ADGRL3: variants seen among roughly 807,000 people sequenced by gnomAD.
The protein encoded by ADGRL3 is adhesion G protein-coupled receptor L3.
In ADGRL3, 62 loss-of-function variants were observed where a neutral mutation model predicts 153.5. The ratio of observed to expected loss-of-function variants is 0.40; its 90% CI spans 0.33 to 0.50. The LOEUF (loss-of-function observed/expected upper bound fraction) is 0.50. ADGRL3 is among the 20% of genes least tolerant of loss of function. ADGRL3 has a pLI of 0.47. For synonymous variants in ADGRL3, 710 were observed against 672.5 expected, an observed-to-expected ratio of 1.06 and a Z score of -0.86; for missense variants, 1,641 against 1,859.4, an observed-to-expected ratio of 0.88 and a Z score of 2.16.
intron 1 of ADGRL3, chr4:61,211,978 C>A (rs959396543): frequency 6.6e-6 from 1 of 152,150 alleles, no homozygotes; most frequent in Non-Finnish European, 1.5e-5. Context: ...TGCTGATCTT[C>A]AAGGTTTAAA....
At chr4:61,210,947 T>TA (rs1311050059) in intron 1 of ADGRL3, among the ~76,000 whole-genome samples, 1 of 152,306 alleles carries the variant, frequency 6.6e-6, no homozygotes, top group Non-Finnish European at 1.5e-5. Flanking sequence ...GGCAGCCATT[T>TA]AAAAAAATTA....
At chr4:61,390,675 G>A (rs2152001170) in intron 2 of ADGRL3, among the ~76,000 whole-genome samples, 2 of 152,238 alleles carry the variant, frequency 1.3e-5, no homozygotes, top group Admixed American at 1.3e-4. Flanking sequence ...CTGTATTTAT[G>A]CTTGTAGTCT....
At chr4:61,709,959 G>A (rs933239563) in intron 6 of ADGRL3, among the ~76,000 whole-genome samples, 11 of 152,256 alleles carry the variant, frequency 7.2e-5, no homozygotes, top group African/African-American at 2.6e-4. Context: ...GCCATGCTAT[G>A]TCTTAGAAAA....
intron 13 of ADGRL3, among the ~76,000 whole-genome samples, chr4:61,915,217 A>T (rs2098739807): frequency 6.7e-6 from 1 of 149,872 alleles, no homozygotes; most frequent in East Asian, 1.9e-4. Context: ...TTGGGGAAAA[A>T]TTGCTTTGGG....
At chr4:61,873,110 A>G (rs528745482) in intron 9 of ADGRL3, among the ~76,000 whole-genome samples, 19 of 152,346 alleles carry the variant, frequency 1.2e-4, no homozygotes, top group South Asian at 8.3e-4. Context: ...GAACGCATCT[A>G]TGAGGTATGC....
chr4:61,813,780 C>T, intron 8 of ADGRL3, 29 bp from the exon 9 acceptor site: 2 of 1,605,768 alleles, frequency 1.2e-6, no homozygotes, highest in Non-Finnish European at 1.7e-6. Flanking sequence ...CGTATGATGT[C>T]TTCTTAACAA....
rs1581725408 is a variant in ADGRL3 at position 61,979,764 on chromosome 4, G to A, written c.3007G>A (p.Asp1003Asn). 1 of 1,613,544 alleles carries A rather than the reference G, an allele frequency of 6.2e-7. No homozygotes were observed. The highest frequency in any genetic ancestry group is 8.5e-7 in the Non-Finnish European group (1 of 1,179,602). Residue 1003 changes from aspartate to asparagine, a missense_variant, in exon 18 of 27, where the codon GAC (aspartate) becomes AAC (asparagine). Coordinates refer to ENST00000683033, the MANE Select transcript of ADGRL3 (RefSeq NM_001387552.1). ...CTTCCTGATTGGGATCAACCGAACT[G>A]ACCAACCAGTAAGCAACCTACATTG... ...LLFLIGINRTDQPIACAVFAA... is the reference protein window; with the variant it reads ...LLFLIGINRTNQPIACAVFAA...
At chr4:61,253,274 T>TA (rs1211238016) in intron 1 of ADGRL3, among the ~76,000 whole-genome samples, 3 of 152,216 alleles carry the variant, frequency 2.0e-5, no homozygotes, top group Admixed American at 6.5e-5. Context: ...TTTTCTTTTT[T>TA]AAAAAATATA....
At chr4:61,690,122 C>T (rs1052477924) in intron 6 of ADGRL3, among the ~76,000 whole-genome samples, 50 of 152,046 alleles carry the variant, frequency 3.3e-4, no homozygotes, top group African/African-American at 1.1e-3. Context: ...TTCAATGCTC[C>T]GTAACAGAAA....
intron 4 of ADGRL3, among the ~76,000 whole-genome samples, chr4:61,564,499 C>A (rs1245194316): frequency 6.6e-6 from 1 of 152,172 alleles, no homozygotes; most frequent in Non-Finnish European, 1.5e-5. Context: ...TCTCAAACTC[C>A]TGGGCACCAG....
chr4:61,626,491 A>G (rs948933305), intron 5 of ADGRL3, among the ~76,000 whole-genome samples: 1 of 152,054 alleles, frequency 6.6e-6, no homozygotes, highest in African/African-American at 2.4e-5. Context: ...CAAAGTTGAA[A>G]CGTGAAATTT....
rs1246386331 is a variant in ADGRL3 at position 61,497,128 on chromosome 4, A to T, written c.-166A>T. 1.7e-5 allele frequency: 9 copies of T among 540,340 alleles called. No individual in the cohort carries two copies. The highest frequency in any genetic ancestry group is 2.5e-5 in the South Asian group (1 of 40,232). 33.5% of individuals were successfully genotyped at this position (540,340 alleles called of 1,614,324 possible). ...TTTTTTTCTTTTTTGCAGGTTTCAG[A>T]TTTGGGATATTGGTGTTTCTGTTTT... On this transcript the variant is annotated 5_prime_UTR_variant, in exon 3 of 27. Coordinates refer to ENST00000683033, the MANE Select transcript of ADGRL3 (RefSeq NM_001387552.1).
intron 1 of ADGRL3, among the ~76,000 whole-genome samples, chr4:61,234,528 A>T (rs1560374162): frequency 6.6e-6 from 1 of 152,126 alleles, no homozygotes; most frequent in Non-Finnish European, 1.5e-5. Context: ...TTCTAGGAGG[A>T]AGCAGAAAGA....
intron 5 of ADGRL3, among the ~76,000 whole-genome samples, chr4:61,658,071 T>G (rs1043989150): frequency 6.6e-6 from 1 of 152,184 alleles, no homozygotes; most frequent in Non-Finnish European, 1.5e-5. Flanking sequence ...CCATAATTTA[T>G]GCTTCTTTTT....
At chr4:61,409,655 CTG>C (rs951002476) in intron 2 of ADGRL3, among the ~76,000 whole-genome samples, 2 of 151,430 alleles carry the variant, frequency 1.3e-5, no homozygotes, top group East Asian at 3.9e-4. Context: ...ATTTTTCACT[CTG>C]TTTTAGCAAT....
chr4:61,826,641 T>A (rs2148805712), intron 9 of ADGRL3, among the ~76,000 whole-genome samples: 1 of 152,196 alleles, frequency 6.6e-6, no homozygotes, highest in South Asian at 2.1e-4. Context: ...TCTGAAGGGT[T>A]TTTACATAGA....
intron 2 of ADGRL3, among the ~76,000 whole-genome samples, chr4:61,434,591 A>G (rs191431543): frequency 6.8e-6 from 1 of 146,496 alleles, no homozygotes; most frequent in East Asian, 2.2e-4. Context: ...TCCTTTATCA[A>G]TGCTTGCTTA....
chr4:61,409,180 TTA>T (rs1227458363), intron 2 of ADGRL3, among the ~76,000 whole-genome samples: 2 of 140,770 alleles, frequency 1.4e-5, no homozygotes, highest in African/African-American at 5.5e-5. Context: ...AAAAATTTTA[TTA>T]TATATATAAT....
intron 6 of ADGRL3, among the ~76,000 whole-genome samples, chr4:61,694,306 G>A (rs919845459): frequency 1.4e-5 from 2 of 145,950 alleles, no homozygotes; most frequent in African/African-American, 2.5e-5. Flanking sequence ...CAAAGTATCG[G>A]GATTACATGC....
Sources: allele counts gnomAD v4.1 joint callset (sites outside exome capture counted in the v4.1 genomes callset), GRCh38; gene constraint gnomAD v4.1.1; transcripts MANE v1.5; gene names NCBI Gene and HGNC (gene_info 2026-07-23, HGNC 2026-07-21).